PAWR: variants seen among roughly 807,000 people sequenced by gnomAD.
The protein encoded by PAWR is pro-apoptotic WT1 regulator, also known as PRKC apoptosis WT1 regulator protein.
A neutral mutation model predicts 32.0 loss-of-function variants in PAWR; 23 were observed. The ratio of observed to expected loss-of-function variants is 0.72; its 90% CI spans 0.52 to 1.02. The LOEUF is 1.02. Among genes scored for constraint, PAWR ranks in the 50% least tolerant of loss-of-function variants. The pLI is 0.00. For synonymous variants in PAWR, 226 were observed against 187.1 expected (o/e 1.21, Z -1.70); for missense variants, 457 against 437.7 (o/e 1.04, Z -0.39).
At chr12:79,687,166 G>T (rs764366237) in intron 2 of PAWR, among the ~76,000 whole-genome samples, 1 of 152,090 alleles carries the variant, frequency 6.6e-6, no homozygotes, top group Non-Finnish European at 1.5e-5. Flanking sequence ...AGAAGCTCTG[G>T]ATAGATCGAC....
At position 79,690,379 on chromosome 12, in the gene PAWR, G is replaced by A; in HGVS notation, c.-135C>T. The A allele has an allele frequency of 7.4e-7, 1 of 1,348,264 alleles. No individual in the cohort carries two copies. 83.5% of individuals were successfully genotyped at this position (1,348,264 alleles called of 1,614,324 possible). A position where few individuals can be genotyped will look rare whatever the true frequency, so the allele number is the denominator to read the frequency against. On this transcript the variant is annotated 5_prime_UTR_variant, in exon 2 of 7. Transcript: ENST00000328827. Reference sequence around the variant, plus strand: ...GAGAGGGACGGCCGCCGCTCCCACAGCAGCCGGCGGGGCTGAGGTGAAAGA... The same window carrying A: ...GAGAGGGACGGCCGCCGCTCCCACAACAGCCGGCGGGGCTGAGGTGAAAGA...
Position 79,639,880 on chromosome 12 carries a change from C to CCA in PAWR, c.517-18674_517-18673insTG, listed in dbSNP as rs1435332039. The stretch of plus-strand genomic sequence containing the variant: ...CCTATTCCTATTCCTATTCCTATTC[C>CCA]TATTCCATTCCATTCCATTCCATTC... On this transcript the variant is annotated intron_variant, in intron 2 of 6. Coordinates refer to ENST00000328827, the MANE Select transcript of PAWR (RefSeq NM_002583.4). Among the ~76,000 whole-genome samples, 46 of 72,094 alleles carry CCA rather than the reference C, an allele frequency of 6.4e-4. 1 individual carries two copies. The highest frequency in any genetic ancestry group is 3.0e-3 in the African/African-American group (42 of 13,946). The allele number at this position is 72,094 out of a possible 152,430, so 47.3% of individuals were successfully genotyped here. A position where few individuals can be genotyped will look rare whatever the true frequency, so the allele number is the denominator to read the frequency against.
intron 4 of PAWR, among the ~76,000 whole-genome samples, chr12:79,597,315 T>A (rs1135721): frequency 2.6e-5 from 4 of 152,128 alleles, no homozygotes. Flanking sequence ...TCCACCCACC[T>A]CGGCCTCCCA....
intron 2 of PAWR, among the ~76,000 whole-genome samples, chr12:79,648,912 G>C (rs1038272827): frequency 5.3e-5 from 8 of 152,288 alleles, no homozygotes; most frequent in African/African-American, 1.7e-4. Context: ...ACTGTAGGGA[G>C]ACTCTGCTAT....
chr12:79,649,256 G>A (rs1296821939), intron 2 of PAWR, among the ~76,000 whole-genome samples: 1 of 152,014 alleles, frequency 6.6e-6, no homozygotes, highest in Non-Finnish European at 1.5e-5. Context: ...TATATGAAGA[G>A]GTCAGATTTA....
At chr12:79,632,361 A>ATATATT (rs1566011212) in intron 2 of PAWR, among the ~76,000 whole-genome samples, 39 of 20,578 alleles carry the variant, frequency 1.9e-3, no homozygotes, top group Non-Finnish European at 2.3e-3. Flanking sequence ...ATATATATAT[A>ATATATT]TTTTTTTTTT....
chr12:79,594,901 C>T (rs1269208228), intron 5 of PAWR, among the ~76,000 whole-genome samples: 3 of 151,966 alleles, frequency 2.0e-5, no homozygotes, highest in African/African-American at 7.3e-5. Context: ...ATTTTTAGTA[C>T]AGATGGGGCT....
At chr12:79,608,948 G>A (rs1874316497) in intron 4 of PAWR, among the ~76,000 whole-genome samples, 5 of 152,100 alleles carry the variant, frequency 3.3e-5, no homozygotes, top group Admixed American at 3.3e-4. Context: ...GGGAGGCTGT[G>A]GCAGGAGAAT....
At chr12:79,683,327 C>G (rs1042575910) in intron 2 of PAWR, among the ~76,000 whole-genome samples, 1 of 152,188 alleles carries the variant, frequency 6.6e-6, no homozygotes, top group Non-Finnish European at 1.5e-5. Flanking sequence ...ATTCATGTAA[C>G]AATCCTGTTA....
In PAWR at chr12:79,591,839, T is replaced by A. The variant is rs2136669278; in HGVS notation, c.*768A>T. On this transcript the variant is annotated 3_prime_UTR_variant, in exon 7 of 7. Transcript: ENST00000328827. ...CCAGGCCCGAAGAATAAAAAACTTT[T>A]AAAATATCCTGTGTTCACTAGCAAA... 6.6e-6 allele frequency: 1 copy of A among 152,636 alleles called. No homozygotes were observed. The highest frequency in any genetic ancestry group is 2.4e-5 in the African/African-American group (1 of 41,554). The allele number at this position is 152,636 out of a possible 1,614,324, so 9.5% of individuals were successfully genotyped here.
rs1184671312 is a variant in PAWR, at chr12:79,588,115, C to T, written c.*4492G>A. On this transcript the variant is annotated 3_prime_UTR_variant, in exon 7 of 7. Coordinates refer to ENST00000328827, the MANE Select transcript of PAWR (RefSeq NM_002583.4). ...CAAATCTTCCAAGAAATAAGTTCAC[C>T]AAAAAAGTAGCATACACCTATTTGG... The T allele has an allele frequency of 1.3e-5, 2 of 151,746 alleles. No homozygotes were observed. Among genetic ancestry groups the T allele is most frequent in the African/African-American group, 2.4e-5 (1 of 41,362 alleles). The allele number at this position is 151,746 out of a possible 1,614,324, so 9.4% of individuals were successfully genotyped here. A position where few individuals can be genotyped will look rare whatever the true frequency, so the allele number is the denominator to read the frequency against.
chr12:79,679,873 C>T (rs902299933), intron 2 of PAWR, among the ~76,000 whole-genome samples: 1 of 152,068 alleles, frequency 6.6e-6, no homozygotes, highest in African/African-American at 2.4e-5. Flanking sequence ...TCTTTCTTTC[C>T]TTTTCTACCA....
chr12:79,634,261 G>T (rs1359729184), intron 2 of PAWR, among the ~76,000 whole-genome samples: 1 of 152,088 alleles, frequency 6.6e-6, no homozygotes, highest in Non-Finnish European at 1.5e-5. Context: ...ATGTATGAAT[G>T]ATAAGGATAC....
intron 3 of PAWR, among the ~76,000 whole-genome samples, chr12:79,616,016 T>A (rs1874714218): frequency 7.2e-6 from 1 of 139,830 alleles, no homozygotes; most frequent in Non-Finnish European, 1.5e-5. Flanking sequence ...GAGATCACAC[T>A]ACTATACTCC....
chr12:79,630,029 C>T (rs1228285334), intron 2 of PAWR, among the ~76,000 whole-genome samples: 1 of 151,402 alleles, frequency 6.6e-6, no homozygotes, highest in Non-Finnish European at 1.5e-5. Context: ...AGTCTCAAAT[C>T]AATGATCAAG....
Position 79,588,301 on chromosome 12 carries a change from A to G in PAWR, c.*4306T>C, listed in dbSNP as rs1384593293. 1.3e-5 allele frequency: 2 copies of G among 151,992 alleles called. No homozygotes were observed. The highest frequency in any genetic ancestry group is 2.9e-5 in the Non-Finnish European group (2 of 67,864). 9.4% of individuals were successfully genotyped at this position (151,992 alleles called of 1,614,324 possible). On this transcript the variant is annotated 3_prime_UTR_variant, in exon 7 of 7. Transcript: ENST00000328827. Reference sequence around the variant, plus strand: ...ACCAGTAATCAATAATATATACAGAAATACTAACTTGAAGTCACATTTAAA... The same window carrying G: ...ACCAGTAATCAATAATATATACAGAGATACTAACTTGAAGTCACATTTAAA...
intron 6 of PAWR, among the ~76,000 whole-genome samples, chr12:79,593,062 G>T (rs1031417635): frequency 6.6e-6 from 1 of 151,720 alleles, no homozygotes; most frequent in East Asian, 1.9e-4. Context: ...ACCCATGCAA[G>T]CCATATATGG....
At chr12:79,619,810 G>A (rs936518991) in intron 3 of PAWR, among the ~76,000 whole-genome samples, 5 of 152,180 alleles carry the variant, frequency 3.3e-5, no homozygotes, top group African/African-American at 1.2e-4. Flanking sequence ...AAGGGAAGGG[G>A]AAAGATCTAT....
Position 79,592,505 on chromosome 12 carries a change from GT to G in PAWR, c.*101del, listed in dbSNP as rs1439974799. On this transcript the variant is annotated 3_prime_UTR_variant, in exon 7 of 7. Coordinates refer to ENST00000328827, the MANE Select transcript of PAWR (RefSeq NM_002583.4). ...TGCTAGAAATAAATATACTTGCTTA[GT>G]TATTTTAATGTATTGCAGCATAGGA... 2.1e-5 allele frequency: 12 copies of G among 579,762 alleles called. No individual in the cohort carries two copies. The highest frequency in any genetic ancestry group is 1.1e-4 in the Admixed American group (3 of 27,480). The allele number at this position is 579,762 out of a possible 1,614,324, so 35.9% of individuals were successfully genotyped here.
Sources: allele counts gnomAD v4.1 joint callset (sites outside exome capture counted in the v4.1 genomes callset), GRCh38; gene constraint gnomAD v4.1.1; transcripts MANE v1.5; gene names NCBI Gene and HGNC (gene_info 2026-07-23, HGNC 2026-07-21).